The following ARMC9 variants were observed in gnomAD, a reference collection of about 807,000 sequenced individuals.
ARMC9 encodes the protein armadillo repeat containing 9.
In ARMC9, 94 loss-of-function variants were observed where a neutral mutation model predicts 107.0. That is an observed-to-expected ratio of 0.88 (90% CI 0.74 to 1.04). The LOEUF (loss-of-function observed/expected upper bound fraction) is 1.04, where lower values mean the gene tolerates loss of function less well. ARMC9 is among the 50% of genes least tolerant of loss of function. ARMC9 has a pLI of 0.00. For synonymous variants in ARMC9, 380 were observed against 396.9 expected (o/e 0.96, Z 0.51); for missense variants, 942 against 1,030.1 (o/e 0.91, Z 1.17).
chr2:231,319,290 A>G (rs553767407), intron 19 of ARMC9, among the ~76,000 whole-genome samples: 1 of 152,278 alleles, frequency 6.6e-6, no homozygotes, highest in African/African-American at 2.4e-5. Context: ...GAGCTCATGA[A>G]CATCCAGGTG....
chr2:231,370,740 C>A, intron 24 of ARMC9: 1 of 208,908 alleles, frequency 4.8e-6, no homozygotes, highest in Non-Finnish European at 9.8e-6. Context: ...CTTTCTCTGT[C>A]CCCTTCCAGC....
Position 231,336,550 on chromosome 2 carries a change from C to T in ARMC9, c.1878+4653C>T, listed in dbSNP as rs138576440. Among the ~76,000 whole-genome samples, 43 of 152,300 alleles carry T rather than the reference C, an allele frequency of 2.8e-4. No homozygotes were observed. The East Asian group carries it at 4.2e-3, about 15-fold the overall frequency. ...AGAGCTGCGACCCGTGTGACATATT[C>T]GTAATAACTATATGATCTATGTTTT... is the stretch of plus-strand genomic sequence containing the variant. On this transcript the variant is annotated intron_variant, in intron 20 of 24. Coordinates refer to ENST00000611582, the MANE Select transcript of ARMC9 (RefSeq NM_001352754.2).
chr2:231,298,213 G>A (rs1192923117), intron 19 of ARMC9, among the ~76,000 whole-genome samples: 1 of 152,204 alleles, frequency 6.6e-6, no homozygotes, highest in Non-Finnish European at 1.5e-5. Context: ...TGTCATTTGG[G>A]CCAAATGGGA....
At chr2:231,214,739 G>A (rs2033302224) in intron 3 of ARMC9, 92 bp from the exon 4 acceptor site, 1 of 1,312,388 alleles carries the variant, frequency 7.6e-7, no homozygotes, top group Non-Finnish European at 1.1e-6. Context: ...CTGAAAAGGA[G>A]TATATGGGAG....
chr2:231,201,716 A>C (rs1194932572), intron 1 of ARMC9, among the ~76,000 whole-genome samples: 2 of 152,134 alleles, frequency 1.3e-5, no homozygotes, highest in Non-Finnish European at 2.9e-5. Context: ...CCAGTGTCCC[A>C]TCGTGGTTGT....
chr2:231,315,668 G>A (rs988739076), intron 19 of ARMC9, among the ~76,000 whole-genome samples: 2 of 152,166 alleles, frequency 1.3e-5, no homozygotes, highest in African/African-American at 2.4e-5. Flanking sequence ...TAGCTTTATA[G>A]TAGGTTTCAA....
In ARMC9 at chr2:231,242,675, C is replaced by T. The variant is rs116866790; in HGVS notation, c.879+2634C>T. On this transcript the variant is annotated intron_variant, in intron 9 of 24. Coordinates refer to ENST00000611582, the MANE Select transcript of ARMC9 (RefSeq NM_001352754.2). The stretch of plus-strand genomic sequence containing the variant: ...GTCTGTCTACTAGGAGCACTCCTTT[C>T]TTCCTCCTTCCCATTTATTTGTTAA... Among the ~76,000 whole-genome samples the T allele has an allele frequency of 5.1e-3, 781 of 152,296 alleles. 22 individuals are homozygous for T. Among genetic ancestry groups the T allele is most frequent in the Admixed American group, 0.037 (566 of 15,282 alleles).
chr2:231,302,548 TAAAG>T lies in ARMC9; in HGVS notation c.1773+6299_1773+6302del, dbSNP rs896729465. ...CATATGTTGTTTTGATTGAAGGACA[TAAAG>T]AAAATCTAGCCTCACACACCTGTGT... On this transcript the variant is annotated intron_variant, in intron 19 of 24. Coordinates refer to ENST00000611582, the MANE Select transcript of ARMC9 (RefSeq NM_001352754.2). Among the ~76,000 whole-genome samples, 12 of 144,904 alleles carry T rather than the reference TAAAG, an allele frequency of 8.3e-5. No homozygotes were observed. The Admixed American group carries it at 8.7e-4, about 11-fold the overall frequency.
intron 20 of ARMC9, among the ~76,000 whole-genome samples, chr2:231,334,939 A>G (rs1406026882): frequency 6.6e-6 from 1 of 152,170 alleles, no homozygotes; most frequent in Non-Finnish European, 1.5e-5. Context: ...ACTGGGAAAT[A>G]TGTGCCTGAA....
At chr2:231,240,813 G>T (rs2036225001) in intron 9 of ARMC9, among the ~76,000 whole-genome samples, 1 of 152,132 alleles carries the variant, frequency 6.6e-6, no homozygotes, top group African/African-American at 2.4e-5. Flanking sequence ...ACAGCTCTTA[G>T]CCTCTTCTAA....
chr2:231,204,666 C>T (rs1395282397), intron 1 of ARMC9, among the ~76,000 whole-genome samples: 2 of 151,928 alleles, frequency 1.3e-5, no homozygotes, highest in East Asian at 1.9e-4. Context: ...GTACAAAGGG[C>T]TGAGAAGTGA....
chr2:231,293,552 T>TA (rs1398494550), intron 18 of ARMC9, among the ~76,000 whole-genome samples: 2 of 152,214 alleles, frequency 1.3e-5, no homozygotes, highest in Non-Finnish European at 2.9e-5. Flanking sequence ...TTTTCTCTTT[T>TA]ATAAGCCTTG....
chr2:231,212,442 A>G (rs1438139398), intron 3 of ARMC9, among the ~76,000 whole-genome samples: 1 of 152,232 alleles, frequency 6.6e-6, no homozygotes, highest in Non-Finnish European at 1.5e-5. Context: ...CAAACTGTAG[A>G]TGGGCCATTT....
intron 6 of ARMC9, among the ~76,000 whole-genome samples, chr2:231,225,020 G>A (rs890071654): frequency 6.6e-6 from 1 of 152,232 alleles, no homozygotes; most frequent in Non-Finnish European, 1.5e-5. Context: ...TAAGGAATAA[G>A]GAGCCTTTGA....
Position 231,250,599 on chromosome 2 carries a change from C to G in ARMC9, c.880-5987C>G, listed in dbSNP as rs568575275. Among the ~76,000 whole-genome samples the G allele has an allele frequency of 2.0e-5, 3 of 152,248 alleles. No individual in the cohort carries two copies. In the South Asian group the frequency reaches 6.2e-4, roughly 32 times the overall value. On this transcript the variant is annotated intron_variant, in intron 9 of 24. Coordinates refer to ENST00000611582, the MANE Select transcript of ARMC9 (RefSeq NM_001352754.2). ...TAGACGGTGATGCTGGAAATGGTCC[C>G]TGAGAGCATGGAAGGCCAGGGAAGA...
intron 23 of ARMC9, among the ~76,000 whole-genome samples, chr2:231,367,221 C>T (rs1344375648): frequency 1.3e-5 from 2 of 152,178 alleles, no homozygotes; most frequent in East Asian, 1.9e-4. Flanking sequence ...TGGCAAATTG[C>T]TCTCCAAAAA....
chr2:231,245,883 A>G (rs2036716623), intron 9 of ARMC9, among the ~76,000 whole-genome samples: 1 of 152,176 alleles, frequency 6.6e-6, no homozygotes, highest in Non-Finnish European at 1.5e-5. Flanking sequence ...AAGGTATGCC[A>G]CGAGAGGGGG....
intron 9 of ARMC9, among the ~76,000 whole-genome samples, chr2:231,244,104 TG>T (rs1164607395): frequency 2.0e-5 from 3 of 152,204 alleles, no homozygotes; most frequent in Non-Finnish European, 4.4e-5. Context: ...TAAAGGAGCT[TG>T]GGCTGGGCCC....
At chr2:231,316,773 G>GTT (rs1156577143) in intron 19 of ARMC9, among the ~76,000 whole-genome samples, 1 of 151,732 alleles carries the variant, frequency 6.6e-6, no homozygotes, top group Non-Finnish European at 1.5e-5. Context: ...GTTTTGTTTT[G>GTT]TTTGTTTGTG....
Sources: allele counts gnomAD v4.1 joint callset (sites outside exome capture counted in the v4.1 genomes callset), GRCh38; gene constraint gnomAD v4.1.1; transcripts MANE v1.5; gene names NCBI Gene and HGNC (gene_info 2026-07-23, HGNC 2026-07-21).